ATP8A2: variants seen among roughly 807,000 people sequenced by gnomAD.
ATP8A2 encodes ATPase phospholipid transporting 8A2, also known as phospholipid-transporting ATPase IB.
In ATP8A2, 100 loss-of-function variants were observed where a neutral mutation model predicts 165.6. The ratio of observed to expected loss-of-function variants is 0.60; its 90% CI spans 0.51 to 0.71. The LOEUF (loss-of-function observed/expected upper bound fraction) is 0.71. Among genes scored for constraint, ATP8A2 ranks in the 30% least tolerant of loss-of-function variants. ATP8A2 has a pLI of 0.00. For synonymous variants in ATP8A2, 543 were observed against 548.8 expected (o/e 0.99, Z 0.15); for missense variants, 1,227 against 1,479.5 (o/e 0.83, Z 2.80).
intron 24 of ATP8A2, among the ~76,000 whole-genome samples, chr13:25,660,634 G>A (rs17082618): frequency 0.035 from 5,226 of 151,474 alleles, 155 homozygotes; most frequent in East Asian, 0.13. Flanking sequence ...ACAAATTATT[G>A]AATTGTGGAA....
intron 25 of ATP8A2, among the ~76,000 whole-genome samples, chr13:25,739,358 C>CT (rs917632592): frequency 2.6e-5 from 4 of 152,212 alleles, no homozygotes; most frequent in African/African-American, 9.6e-5. Context: ...ATTCTGTTCT[C>CT]TATCATTAAA....
At chr13:25,606,575 A>G (rs1435083273) in intron 24 of ATP8A2, among the ~76,000 whole-genome samples, 1 of 152,172 alleles carries the variant, frequency 6.6e-6, no homozygotes, top group Admixed American at 6.5e-5. Flanking sequence ...AGCCTACTGG[A>G]AAGTATTTTT....
intron 27 of ATP8A2, among the ~76,000 whole-genome samples, chr13:25,790,528 A>AG: frequency 6.6e-6 from 1 of 151,062 alleles, no homozygotes; most frequent in African/African-American, 2.4e-5. Context: ...TCTGTAGAAA[A>AG]AAAAAAAAGT....
chr13:25,460,922 T>C (rs1480707597), intron 1 of ATP8A2, among the ~76,000 whole-genome samples: 2 of 152,220 alleles, frequency 1.3e-5, no homozygotes, highest in African/African-American at 4.8e-5. Flanking sequence ...TTTCCACATT[T>C]CTTGCTCTCT....
At chr13:25,908,882 A>G (rs1954026910) in intron 33 of ATP8A2, among the ~76,000 whole-genome samples, 1 of 152,226 alleles carries the variant, frequency 6.6e-6, no homozygotes, top group Non-Finnish European at 1.5e-5. Context: ...TTTAGTGTGC[A>G]ATGCTTAACT....
chr13:25,561,347 C>T (rs1027571154), intron 15 of ATP8A2, among the ~76,000 whole-genome samples: 1 of 152,022 alleles, frequency 6.6e-6, no homozygotes, highest in African/African-American at 2.4e-5. Context: ...GTTTTGTTAT[C>T]GTTCTGTCTC....
chr13:25,688,870 G>A (rs950424072), intron 24 of ATP8A2, among the ~76,000 whole-genome samples: 3 of 150,472 alleles, frequency 2.0e-5, no homozygotes, highest in Middle Eastern at 3.4e-3. Flanking sequence ...TCCCATTTTC[G>A]TCCTATGGCT....
At chr13:25,540,513 AT>A in intron 8 of ATP8A2, 125 bp downstream of exon 8, 4 of 707,380 alleles carry the variant, frequency 5.7e-6, no homozygotes. Flanking sequence ...CCCTAATGGA[AT>A]CTATGGGAAG....
At chr13:25,740,507 A>G (rs929399263) in intron 25 of ATP8A2, among the ~76,000 whole-genome samples, 14 of 152,072 alleles carry the variant, frequency 9.2e-5, no homozygotes, top group Non-Finnish European at 2.1e-4. Flanking sequence ...AACTGAGACA[A>G]TGTAGCAGGG....
intron 1 of ATP8A2, among the ~76,000 whole-genome samples, chr13:25,411,378 T>C (rs147312493): frequency 0.012 from 1,811 of 152,320 alleles, 34 homozygotes; most frequent in African/African-American, 0.041. Flanking sequence ...ATCTAATGTT[T>C]GCTTCATGGC....
intron 2 of ATP8A2, among the ~76,000 whole-genome samples, chr13:25,513,052 C>CG (rs1304813577): frequency 2.9e-5 from 4 of 136,168 alleles, no homozygotes; most frequent in South Asian, 2.6e-4. Flanking sequence ...GCTGGCCTGG[C>CG]GGGGGCTGAC....
intron 1 of ATP8A2, among the ~76,000 whole-genome samples, chr13:25,382,825 A>G (rs1293058303): frequency 7.3e-5 from 11 of 150,084 alleles, no homozygotes; most frequent in Non-Finnish European, 1.3e-4. Context: ...GCACGATCTC[A>G]GCTCACTGCA....
At chr13:25,499,384 G>A (rs954861114) in intron 2 of ATP8A2, among the ~76,000 whole-genome samples, 5 of 152,168 alleles carry the variant, frequency 3.3e-5, no homozygotes, top group African/African-American at 1.2e-4. Context: ...ATGAGATTTG[G>A]AGCCAGACGC....
intron 2 of ATP8A2, among the ~76,000 whole-genome samples, chr13:25,508,617 A>G (rs994701019): frequency 1.3e-5 from 2 of 152,232 alleles, no homozygotes; most frequent in Non-Finnish European, 2.9e-5. Flanking sequence ...ATGTGTGAAT[A>G]CGTGTGTTGA....
At chr13:25,725,853 T>C (rs1295304331) in intron 25 of ATP8A2, among the ~76,000 whole-genome samples, 1 of 152,196 alleles carries the variant, frequency 6.6e-6, no homozygotes. Context: ...AGATGTCACA[T>C]GCTGTGGCAG....
intron 1 of ATP8A2, among the ~76,000 whole-genome samples, chr13:25,464,515 C>G (rs557061190): frequency 6.6e-6 from 1 of 151,066 alleles, no homozygotes; most frequent in African/African-American, 2.4e-5. Flanking sequence ...AGACGGCCAT[C>G]TAGAGACCTG....
In ATP8A2 at chr13:25,868,113, G is replaced by C. The variant is rs148491534; in HGVS notation, c.3183+5705G>C. Reference sequence around the variant, plus strand: ...TCTCTTCACCCAAGTGCGGGTGTTGGGATGTTCCCTTAGCTTCCTCAGCCA... The same window carrying C: ...TCTCTTCACCCAAGTGCGGGTGTTGCGATGTTCCCTTAGCTTCCTCAGCCA... On this transcript the variant is annotated intron_variant, in intron 33 of 36. Coordinates refer to ENST00000381655, the MANE Select transcript of ATP8A2 (RefSeq NM_016529.6). The C allele has an allele frequency of 3.0e-3, 1,367 of 456,472 alleles. 8 individuals are homozygous for C. Among genetic ancestry groups the C allele is most frequent in the Middle Eastern group, 0.019 (59 of 3,074 alleles). The allele number at this position is 456,472 out of a possible 1,614,324, so 28.3% of individuals were successfully genotyped here.
intron 24 of ATP8A2, among the ~76,000 whole-genome samples, chr13:25,633,983 A>AC (rs1022813878): frequency 2.6e-5 from 4 of 152,076 alleles, no homozygotes; most frequent in Non-Finnish European, 5.9e-5. Context: ...CTCAAAAAAA[A>AC]AAAAAAGATC....
At chr13:25,931,604 C>A (rs892578187) in intron 33 of ATP8A2, among the ~76,000 whole-genome samples, 4 of 152,110 alleles carry the variant, frequency 2.6e-5, no homozygotes, top group African/African-American at 9.7e-5. Flanking sequence ...GTGCTCTGCC[C>A]GTCGTGAGGC....
Sources: allele counts gnomAD v4.1 joint callset (sites outside exome capture counted in the v4.1 genomes callset), GRCh38; gene constraint gnomAD v4.1.1; transcripts MANE v1.5; gene names NCBI Gene and HGNC (gene_info 2026-07-23, HGNC 2026-07-21).